Variants in C19orf47 observed in about 807,000 individuals in gnomAD.
C19orf47 encodes the protein chromosome 19 open reading frame 47.
C19orf47 carries 18 observed loss-of-function variants against 32.3 expected under a neutral mutation model. The observed-to-expected ratio is 0.56, with a 90% confidence interval of 0.39 to 0.83. The LOEUF (loss-of-function observed/expected upper bound fraction) is 0.83. Ranked by LOEUF, C19orf47 falls within the 40% of genes least tolerant of loss-of-function variation. The pLI is 0.00. For missense variants in C19orf47, 484 were observed against 531.6 expected, an observed-to-expected ratio of 0.91 and a Z score of 0.88; for synonymous variants, 202 against 211.1, an observed-to-expected ratio of 0.96 and a Z score of 0.37.
chr19:40,306,811 GAC>G, the C19orf47 span, among the ~76,000 whole-genome samples: 1 of 119,052 alleles, frequency 8.4e-6, no homozygotes, highest in African/African-American at 3.3e-5. Context: ...TTTTTTTTGA[GAC>G]AGAGTCTTGC....
At chr19:40,316,476 A>G (rs2077662961), downstream of C19orf47, among the ~76,000 whole-genome samples, 1 of 152,200 alleles carries the variant, frequency 6.6e-6, no homozygotes, top group South Asian at 2.1e-4. Flanking sequence ...CCTGCCTTTT[A>G]TGATGTTGCC....
rs1420967852 is a variant in C19orf47 at position 40,320,688 on chromosome 19, C to T, written c.*1194G>A. Reference sequence around the variant, plus strand: ...AGAGGCCCTGCTCACTACCTGCTACCAGCTCCTAGGACAGGCCTGGCTCAG... The same window carrying T: ...AGAGGCCCTGCTCACTACCTGCTACTAGCTCCTAGGACAGGCCTGGCTCAG... On this transcript the variant is annotated 3_prime_UTR_variant, in exon 9 of 9. Transcript: ENST00000683109. 6.5e-6 allele frequency: 1 copy of T among 154,024 alleles called. No homozygotes were observed. Among genetic ancestry groups the T allele is most frequent in the Non-Finnish European group, 1.5e-5 (1 of 68,392 alleles). The allele number at this position is 154,024 out of a possible 1,614,324, so 9.5% of individuals were successfully genotyped here.
chr19:40,327,892 C>T (rs529291456), intron 6 of C19orf47, among the ~76,000 whole-genome samples: 1 of 152,338 alleles, frequency 6.6e-6, no homozygotes, highest in East Asian at 1.9e-4. Flanking sequence ...GATGAATCTA[C>T]ATGATGCAGG....
intron 7 of C19orf47, 32 bp from the exon 8 acceptor site, chr19:40,324,108 C>A (rs2077779449): frequency 6.2e-6 from 10 of 1,611,020 alleles, no homozygotes; most frequent in South Asian, 1.1e-5. Context: ...CAGGGAGAGG[C>A]CCCGGTGGGC....
intron 7 of C19orf47, chr19:40,324,386 G>A (rs2077785451): frequency 2.4e-6 from 1 of 413,146 alleles, no homozygotes; most frequent in African/African-American, 2.0e-5. Context: ...TTGGGGTCAG[G>A]GACCTCTGAG....
chr19:40,332,108 T>G (rs1006082354), intron 5 of C19orf47, among the ~76,000 whole-genome samples: 2 of 151,356 alleles, frequency 1.3e-5, no homozygotes, highest in Non-Finnish European at 2.9e-5. Context: ...GGCTCATGCC[T>G]GCACTTTGGG....
At chr19:40,347,536 G>GA (rs957704275) in intron 1 of C19orf47, among the ~76,000 whole-genome samples, 18 of 142,618 alleles carry the variant, frequency 1.3e-4, no homozygotes, top group South Asian at 2.2e-4. Context: ...CCGTCTCAAA[G>GA]AAAAAAAAAA....
chr19:40,340,347 T>C (rs114046132), intron 2 of C19orf47, among the ~76,000 whole-genome samples: 1,703 of 152,068 alleles, frequency 0.011, 14 homozygotes, highest in African/African-American at 0.037. Flanking sequence ...TCTAACAAAA[T>C]AGATTTTGCC....
chr19:40,329,211 T>C (rs1296565278), intron 5 of C19orf47, among the ~76,000 whole-genome samples: 1 of 152,080 alleles, frequency 6.6e-6, no homozygotes, highest in African/African-American at 2.4e-5. Context: ...TCCCAGTGCC[T>C]AAAGTGGTTT....
chr19:40,312,608 C>T, the C19orf47 span, among the ~76,000 whole-genome samples: 2 of 152,120 alleles, frequency 1.3e-5, no homozygotes, highest in Non-Finnish European at 2.9e-5. Flanking sequence ...TCTTGAAACC[C>T]AGCTGCCATG....
rs1169702787 is a variant in C19orf47, at chr19:40,321,066, G to C, written c.*816C>G. 9.2e-6 allele frequency: 2 copies of C among 218,102 alleles called. No homozygotes were observed. The highest frequency in any genetic ancestry group is 2.3e-5 in the African/African-American group (1 of 42,624). 13.5% of individuals were successfully genotyped at this position (218,102 alleles called of 1,614,324 possible). ...CCTGAAGGAGTGGGGGAAATGATTT[G>C]AAAGTCACAAAAATATATTAAAACA... On this transcript the variant is annotated 3_prime_UTR_variant, in exon 9 of 9. Coordinates refer to ENST00000683109, the MANE Select transcript of C19orf47 (RefSeq NM_001256441.2).
At chr19:40,307,250 C>G in the C19orf47 span, among the ~76,000 whole-genome samples, 1 of 151,782 alleles carries the variant, frequency 6.6e-6, no homozygotes, top group Non-Finnish European at 1.5e-5. Context: ...CGCATGCCAC[C>G]ATGCCCAGCT....
At position 40,320,952 on chromosome 19, in the gene C19orf47, A is replaced by T. The variant is rs965370795; in HGVS notation, c.*930T>A. On this transcript the variant is annotated 3_prime_UTR_variant, in exon 9 of 9. Coordinates refer to ENST00000683109, the MANE Select transcript of C19orf47 (RefSeq NM_001256441.2). ...GCAGGGACATGGACCATGTGTGTGC[A>T]GGAAGCCTGACCTTTAGAGACACAG... The T allele has an allele frequency of 1.3e-5, 2 of 153,952 alleles. No homozygotes were observed. The highest frequency in any genetic ancestry group is 2.9e-5 in the Non-Finnish European group (2 of 68,392). The allele number at this position is 153,952 out of a possible 1,614,324, so 9.5% of individuals were successfully genotyped here.
the C19orf47 span, among the ~76,000 whole-genome samples, chr19:40,302,314 G>A: frequency 6.6e-6 from 1 of 152,248 alleles, no homozygotes; most frequent in South Asian, 2.1e-4. Context: ...ACCCAGGCTG[G>A]AGTACAGTGG....
intron 2 of C19orf47, among the ~76,000 whole-genome samples, chr19:40,340,605 C>T (rs898537488): frequency 4.6e-5 from 7 of 151,706 alleles, no homozygotes; most frequent in East Asian, 1.9e-4. Context: ...GGCGTGAACC[C>T]GGGAGGCAGA....
chr19:40,344,340 A>G (rs12609706), intron 1 of C19orf47, among the ~76,000 whole-genome samples: 102,398 of 151,140 alleles, frequency 0.68, 34,717 homozygotes, highest in South Asian at 0.77. Context: ...TTAGTCGGGC[A>G]TGGTGGTGGG....
chr19:40,340,977 A>G (rs1352429699), intron 2 of C19orf47, among the ~76,000 whole-genome samples: 1 of 107,416 alleles, frequency 9.3e-6, no homozygotes, highest in Non-Finnish European at 1.8e-5. Context: ...GCCTGTCTCA[A>G]AAAAAAAAAA....
intron 7 of C19orf47, among the ~76,000 whole-genome samples, chr19:40,324,868 A>C (rs2077795719): frequency 6.6e-6 from 1 of 151,632 alleles, no homozygotes; most frequent in Non-Finnish European, 1.5e-5. Context: ...GCTACTGGGG[A>C]GGTAAGGTAG....
chr19:40,328,801 G>A (rs1192703881), intron 5 of C19orf47, among the ~76,000 whole-genome samples: 1 of 152,072 alleles, frequency 6.6e-6, no homozygotes, highest in Non-Finnish European at 1.5e-5. Flanking sequence ...CACTAGTTCT[G>A]ATCACACCTC....
Sources: gnomAD v4.1 joint callset for allele counts (sites outside exome capture counted in the v4.1 genomes callset) on GRCh38, gnomAD v4.1.1 for gene constraint, MANE v1.5 for transcripts, NCBI Gene and HGNC (gene_info 2026-07-23, HGNC 2026-07-21) for gene names.